SDAD1: variants seen among roughly 807,000 people sequenced by gnomAD.
The protein encoded by SDAD1 is protein SDA1 homolog.
SDAD1 carries 79 observed loss-of-function variants against 100.3 expected under a neutral mutation model. The ratio of observed to expected loss-of-function variants is 0.79; its 90% confidence interval spans 0.66 to 0.95. The LOEUF is 0.95. Ranked by LOEUF, SDAD1 falls within the 40% of genes least tolerant of loss-of-function variation. SDAD1 has a pLI of 0.00. For missense variants in SDAD1, 790 were observed against 810.9 expected, an observed-to-expected ratio of 0.97 and a Z score of 0.31; for synonymous variants, 267 against 271.4, an observed-to-expected ratio of 0.98 and a Z score of 0.16.
intron 9 of SDAD1, 93 bp from the exon 10 acceptor site, chr4:75,970,471 G>C: frequency 1.2e-6 from 1 of 864,784 alleles, no homozygotes; most frequent in South Asian, 2.0e-5. Context: ...AAGTCCATTA[G>C]ACTCTTTAAA....
Position 75,957,920 on chromosome 4 carries a change from AGAC to A in SDAD1, c.1502_1504del (p.Ser501_Leu502delinsIle). 1 of 1,612,888 alleles carries A rather than the reference AGAC, an allele frequency of 6.2e-7. No homozygotes were observed. Among genetic ancestry groups the A allele is most frequent in the Non-Finnish European group, 8.5e-7 (1 of 1,180,004 alleles). On this transcript the variant is annotated inframe_deletion, in exon 18 of 22. Coordinates refer to ENST00000356260, the MANE Select transcript of SDAD1 (RefSeq NM_018115.4). The stretch of plus-strand genomic sequence containing the variant: ...ACCATCAGCATCCTCCTCCTCACTG[AGAC>A]TGGTACTTTCCCATCCATCTGCGTG...
At chr4:75,954,518 C>G (rs948143249) in intron 21 of SDAD1, among the ~76,000 whole-genome samples, 1 of 151,682 alleles carries the variant, frequency 6.6e-6, no homozygotes, top group African/African-American at 2.4e-5. Context: ...ACAAAAAATA[C>G]AAAAATTAGC....
rs1202303520 is a variant in SDAD1 at position 75,950,554 on chromosome 4, A to G, written c.*196T>C. On this transcript the variant is annotated 3_prime_UTR_variant, in exon 22 of 22. Coordinates refer to ENST00000356260, the MANE Select transcript of SDAD1 (RefSeq NM_018115.4). ...ATAAATGAAATGATTTTACATTACC[A>G]CCACTATTTACATTAACATTCCTAC... 4.3e-6 allele frequency: 2 copies of G among 465,700 alleles called. No homozygotes were observed. Among genetic ancestry groups the G allele is most frequent in the East Asian group, 6.1e-5 (2 of 32,800 alleles). The allele number at this position is 465,700 out of a possible 1,614,324, so 28.8% of individuals were successfully genotyped here.
rs1206806445 is a variant in SDAD1, at chr4:75,990,908, C to A, written c.-67G>T. The A allele has an allele frequency of 1.6e-5, 26 of 1,591,994 alleles. No homozygotes were observed. Among genetic ancestry groups the A allele is most frequent in the Middle Eastern group, 3.5e-4 (2 of 5,774 alleles). On this transcript the variant is annotated 5_prime_UTR_variant, in exon 1 of 22. Coordinates refer to ENST00000356260, the MANE Select transcript of SDAD1 (RefSeq NM_018115.4). ...ACTCAGACGGCCGGCACCCCGCAAT[C>A]CCTGCCAGCTGCAGCTTGGACTCGT...
Position 75,981,433 on chromosome 4 carries a change from G to C in SDAD1, c.233C>G (p.Pro78Arg). 1 of 1,613,810 alleles carries C rather than the reference G, an allele frequency of 6.2e-7. No individual in the cohort carries two copies. The highest frequency in any genetic ancestry group is 1.1e-5 in the South Asian group (1 of 91,068). Residue 78 changes from proline to arginine, a missense_variant, in exon 3 of 22, where the codon CCT becomes CGT. By Grantham distance (103) the Pro-to-Arg change is moderately radical. Transcript: ENST00000356260. ...HCYPEYLSNF[P>R]QEVKDLLSCN... ...GGAGAGAAGATCTTTCACCTCTTGA[G>C]GAAAATTACTTAGGTACTCTGGGTA...
chr4:75,960,268 T>C, intron 16 of SDAD1, 76 bp from the exon 17 acceptor site: 1 of 1,270,990 alleles, frequency 7.9e-7, no homozygotes, highest in South Asian at 1.6e-5. Flanking sequence ...TCTCTGAAAT[T>C]ATGAATTTAT....
chr4:75,970,828 C>G (rs1272595036), intron 9 of SDAD1, among the ~76,000 whole-genome samples: 2 of 152,154 alleles, frequency 1.3e-5, no homozygotes, highest in Non-Finnish European at 2.9e-5. Flanking sequence ...GTGCTCTCTC[C>G]TGCCACCATG....
intron 1 of SDAD1, among the ~76,000 whole-genome samples, chr4:75,989,422 C>T (rs1002657519): frequency 4.6e-5 from 7 of 152,146 alleles, no homozygotes; most frequent in African/African-American, 1.7e-4. Flanking sequence ...AATGTAAGTC[C>T]AAGAGAAGAA....
rs749251438 is a variant in SDAD1 at position 75,956,028 on chromosome 4, G to A, written c.1963C>T (p.Arg655Trp). The part of the protein sequence containing the change: ...KKKQKNFMMM[R>W]YSQNVRSKNK... The stretch of plus-strand genomic sequence containing the variant: ...TTTGACCGGACATTCTGGCTATACC[G>A]CATCATCATAAAGTTCTTCTGTTTT... The change falls in exon 21 of 22, where the codon CGG becomes TGG. Residue 655 changes from arginine (R) to tryptophan (W), a missense_variant. Physicochemically the swap from Arg to Trp is moderately radical, Grantham distance 101. Transcript: ENST00000356260. 32 of 1,611,130 alleles carry A rather than the reference G, an allele frequency of 2.0e-5. No homozygotes were observed. Among genetic ancestry groups the A allele is most frequent in the African/African-American group, 2.7e-5 (2 of 74,676 alleles).
At chr4:75,962,110 C>T (rs1273008014) in intron 14 of SDAD1, among the ~76,000 whole-genome samples, 2 of 152,160 alleles carry the variant, frequency 1.3e-5, no homozygotes, top group Non-Finnish European at 2.9e-5. Flanking sequence ...CAAGTGTTCT[C>T]ATTGTTCAAT....
At chr4:75,984,955 T>C (rs72653604) in intron 1 of SDAD1, among the ~76,000 whole-genome samples, 3,477 of 152,216 alleles carry the variant, frequency 0.023, 57 homozygotes, top group Non-Finnish European at 0.034. Context: ...TCAACAAAAC[T>C]GCCAGGCTTT....
chr4:75,987,740 G>A lies in SDAD1; in HGVS notation c.90+3012C>T, dbSNP rs372931443. 1.7e-4 allele frequency among the ~76,000 whole-genome samples: 26 copies of A among 152,270 alleles called. No individual in the cohort carries two copies. In the South Asian group the frequency reaches 5.4e-3, roughly 32 times the overall value. ...TGGTCTTGAACTCCTGACCTCAGGT[G>A]ATTCACCCACCTTGGCCTCCCAAAG... On this transcript the variant is annotated intron_variant, in intron 1 of 21. Transcript: ENST00000356260.
At chr4:75,974,156 T>C in intron 6 of SDAD1, 23 bp from the exon 7 acceptor site, 1 of 1,599,070 alleles carries the variant, frequency 6.3e-7, no homozygotes, top group Non-Finnish European at 8.6e-7. Flanking sequence ...AATGAATGCT[T>C]TGAAGTAAAT....
At chr4:75,959,315 T>C (rs1729099777) in intron 17 of SDAD1, among the ~76,000 whole-genome samples, 1 of 150,902 alleles carries the variant, frequency 6.6e-6, no homozygotes, top group Non-Finnish European at 1.5e-5. Flanking sequence ...AGGGCTTTGA[T>C]CAAATAGGCT....
rs773084033 is a variant in SDAD1 at position 75,957,639 on chromosome 4, C to A, written c.1648G>T (p.Val550Phe). ...TTCTGGAAGTCTTCCTGAGTTAAAA[C>A]TCGGCTAGTGCTGATGGCTGCAGCT... The part of the protein sequence containing the change: ...AKAAAISTSR[V>F]LTQEDFQKIR... Residue 550 changes from valine (V) to phenylalanine (F), a missense_variant, in exon 19 of 22, where the codon GTT (valine) becomes TTT (phenylalanine). Physicochemically the swap from Val to Phe is conservative, Grantham distance 50. Coordinates refer to ENST00000356260, the MANE Select transcript of SDAD1 (RefSeq NM_018115.4). 6.2e-7 allele frequency: 1 copy of A among 1,614,188 alleles called. No homozygotes were observed. The highest frequency in any genetic ancestry group is 2.2e-5 in the East Asian group (1 of 44,892).
chr4:75,950,477 T>C lies in SDAD1; in HGVS notation c.*273A>G, dbSNP rs1728570811. The C allele has an allele frequency of 2.9e-6, 1 of 350,554 alleles. No individual in the cohort carries two copies. Among genetic ancestry groups the C allele is most frequent in the Non-Finnish European group, 5.4e-6 (1 of 185,844 alleles). The allele number at this position is 350,554 out of a possible 1,614,324, so 21.7% of individuals were successfully genotyped here. A position where few individuals can be genotyped will look rare whatever the true frequency, so the allele number is the denominator to read the frequency against. On this transcript the variant is annotated 3_prime_UTR_variant, in exon 22 of 22. Transcript: ENST00000356260. ...GGGGTTACAGCTCATTCGTTTTGCA[T>C]CTACAGTGACAATGAATAGGCACTC... is the stretch of plus-strand genomic sequence containing the variant.
intron 7 of SDAD1, 56 bp downstream of exon 7, chr4:75,974,020 A>C (rs1032310237): frequency 5.5e-6 from 8 of 1,442,846 alleles, no homozygotes; most frequent in Non-Finnish European, 7.8e-6. Flanking sequence ...TTCTAACTGC[A>C]TGCAGAAGCA....
chr4:75,971,783 C>A (rs1325464070), intron 8 of SDAD1, among the ~76,000 whole-genome samples: 2 of 151,916 alleles, frequency 1.3e-5, no homozygotes, highest in Admixed American at 6.6e-5. Context: ...GAGGCAGGAG[C>A]ATCACTTGAG....
chr4:75,959,097 CAAAAAAAAAAAAAAAAA>C (rs61245198), intron 17 of SDAD1, among the ~76,000 whole-genome samples: 16 of 54,988 alleles, frequency 2.9e-4, no homozygotes, highest in African/African-American at 9.0e-4. Flanking sequence ...GACTCTGTCT[CAAAAAAAAAAAAAAAAA>C]AAAAAAAAAA....
Sources: gnomAD v4.1 joint callset for allele counts (sites outside exome capture counted in the v4.1 genomes callset) on GRCh38, gnomAD v4.1.1 for gene constraint, MANE v1.5 for transcripts, NCBI Gene and HGNC (gene_info 2026-07-23, HGNC 2026-07-21) for gene names.